The following SLC25A38 variants were observed in gnomAD, a reference collection of about 807,000 sequenced individuals.
The protein encoded by SLC25A38 is solute carrier family 25 member 38.
In SLC25A38, 27 loss-of-function variants were observed where a neutral mutation model predicts 33.4. That is an observed-to-expected ratio of 0.81 (90% confidence interval 0.60 to 1.11). The LOEUF (loss-of-function observed/expected upper bound fraction) is 1.11, where lower values mean the gene tolerates loss of function less well. SLC25A38 is among the 50% of genes most tolerant of loss of function. The pLI, the probability that SLC25A38 is intolerant of heterozygous loss-of-function variation, is 0.00. For synonymous variants in SLC25A38, 123 were observed against 145.9 expected, an observed-to-expected ratio of 0.84 and a Z score of 1.13; for missense variants, 344 against 388.8, an observed-to-expected ratio of 0.88 and a Z score of 0.97.
intron 3 of SLC25A38, among the ~76,000 whole-genome samples, 161 bp downstream of exon 3, chr3:39,390,668 C>T (rs1455192497): frequency 6.6e-6 from 1 of 152,186 alleles, no homozygotes; most frequent in Non-Finnish European, 1.5e-5. Context: ...TGTTTGAAGG[C>T]TCAGGGATAT....
At chr3:39,386,539 C>T (rs2041709770) in intron 1 of SLC25A38, among the ~76,000 whole-genome samples, 1 of 152,210 alleles carries the variant, frequency 6.6e-6, no homozygotes, top group Non-Finnish European at 1.5e-5. Flanking sequence ...TGTGCCACTA[C>T]ACTCCAGCCT....
At position 39,385,775 on chromosome 3, in the gene SLC25A38, C is replaced by T. The variant is rs569935542; in HGVS notation, c.69+1982C>T. On this transcript the variant is annotated intron_variant, in intron 1 of 6. Transcript: ENST00000650617. ...GGAGTTGTGACTATTCTGTCTTTGA[C>T]ACGCAGTCATAAGGGAGATGGGGAC... Among the ~76,000 whole-genome samples, 5 of 152,356 alleles carry T rather than the reference C, an allele frequency of 3.3e-5. No individual in the cohort carries two copies. In the East Asian group the frequency reaches 7.7e-4, roughly 23 times the overall value.
chr3:39,384,392 G>A (rs907036392), intron 1 of SLC25A38: 2 of 321,480 alleles, frequency 6.2e-6, no homozygotes, highest in African/African-American at 2.1e-5. Flanking sequence ...CTGGCGGCGT[G>A]GTTGCCCGGT....
chr3:39,388,034 T>C (rs1369885274), intron 1 of SLC25A38, among the ~76,000 whole-genome samples: 2 of 152,016 alleles, frequency 1.3e-5, no homozygotes, highest in Admixed American at 6.6e-5. Flanking sequence ...GCTGGAAAGA[T>C]GGATGCTTTG....
chr3:39,392,429 G>T (rs541898760), intron 5 of SLC25A38, among the ~76,000 whole-genome samples: 75 of 152,208 alleles, frequency 4.9e-4, no homozygotes, highest in African/African-American at 1.8e-3. Flanking sequence ...TGTGATTCTT[G>T]TTAAAGTCAG....
chr3:39,391,076 C>A (rs972025542), intron 3 of SLC25A38, among the ~76,000 whole-genome samples: 1 of 152,210 alleles, frequency 6.6e-6, no homozygotes, highest in Non-Finnish European at 1.5e-5. Context: ...GATTTCCTAA[C>A]CCACAGCACT....
Position 39,389,669 on chromosome 3 carries a change from G to T in SLC25A38, c.191+53G>T. On this transcript the variant is annotated intron_variant, in intron 2 of 6. Transcript: ENST00000650617. This position sits in a 1 kb window ranked among gnomAD's most constrained non-coding sequence, Gnocchi z 4.5. ...GATTTCAGCAACTTCTCAGACACAG[G>T]AACATCTTTACTGTGTTAAGTCAAC... The T allele has an allele frequency of 1.9e-6, 3 of 1,613,062 alleles. No individual in the cohort carries two copies. Among genetic ancestry groups the T allele is most frequent in the Non-Finnish European group, 2.5e-6 (3 of 1,179,176 alleles).
At chr3:39,393,576 T>C (rs1038038148) in intron 5 of SLC25A38, among the ~76,000 whole-genome samples, 1 of 152,196 alleles carries the variant, frequency 6.6e-6, no homozygotes, top group Admixed American at 6.5e-5. Context: ...CTTGGTTCAC[T>C]GCAATCTCCT....
intron 1 of SLC25A38, among the ~76,000 whole-genome samples, chr3:39,386,350 G>A (rs748397827): frequency 1.3e-5 from 2 of 152,202 alleles, no homozygotes; most frequent in Non-Finnish European, 2.9e-5. Flanking sequence ...GGAGGCAGAG[G>A]TGAGCAGATT....
intron 5 of SLC25A38, among the ~76,000 whole-genome samples, chr3:39,394,171 ATCAG>A (rs1187051678): frequency 6.6e-6 from 1 of 152,218 alleles, no homozygotes; most frequent in Non-Finnish European, 1.5e-5. Flanking sequence ...ATGTTTTAAA[ATCAG>A]TCAATGATTC....
In SLC25A38 at chr3:39,383,819, G is replaced by A. The variant is rs763575954; in HGVS notation, c.69+26G>A. ...GTGAGGGCACTGCGGGGAAGGAAGG[G>A]CAGGGGTCCGAACCGCGGGCTCGGG... On this transcript the variant is annotated intron_variant, in intron 1 of 6. Coordinates refer to ENST00000650617, the MANE Select transcript of SLC25A38 (RefSeq NM_017875.4). 47 of 1,613,362 alleles carry A rather than the reference G, an allele frequency of 2.9e-5. No individual in the cohort carries two copies. In the Middle Eastern group the frequency reaches 5.0e-4, roughly 17 times the overall value.
intron 1 of SLC25A38, 103 bp downstream of exon 1, chr3:39,383,896 G>C: frequency 1.5e-6 from 2 of 1,316,864 alleles, no homozygotes; most frequent in African/African-American, 1.5e-5. Context: ...CCGCGCCCCA[G>C]GGTGCGCTCA....
intron 1 of SLC25A38, among the ~76,000 whole-genome samples, chr3:39,388,767 A>G (rs548759806): frequency 6.6e-6 from 1 of 152,292 alleles, no homozygotes; most frequent in South Asian, 2.1e-4. Context: ...CTGTCCTGTA[A>G]TGATAGCACC....
chr3:39,387,377 T>G (rs1163157944), intron 1 of SLC25A38, among the ~76,000 whole-genome samples: 1 of 151,802 alleles, frequency 6.6e-6, no homozygotes, highest in Admixed American at 6.6e-5. Context: ...GAGTGGAGGG[T>G]GGGTTGGCAT....
Position 39,391,444 on chromosome 3 carries a change from A to G in SLC25A38, c.280A>G (p.Ile94Val), listed in dbSNP as rs759315257. ...LGLWKGMSPSIVRCVPGVGIY... is the reference protein window; with the variant it reads ...LGLWKGMSPSVVRCVPGVGIY... ...TTCTCCCTGACCTTCTCTGCAGTCC[A>G]TTGTGAGATGTGTCCCTGGCGTTGG... The change falls in exon 4 of 7, where the codon ATT becomes GTT. Residue 94 changes from isoleucine (I) to valine (V), a missense_variant. Around this residue, in one of 2 missense-constraint regions of SLC25A38, gnomAD observed 269 missense variants for 271.8 expected, o/e 0.99. Coordinates refer to ENST00000650617, the MANE Select transcript of SLC25A38 (RefSeq NM_017875.4). 3.1e-5 allele frequency: 50 copies of G among 1,613,348 alleles called. No homozygotes were observed. The highest frequency in any genetic ancestry group is 4.1e-5 in the Non-Finnish European group (48 of 1,180,022).
chr3:39,392,287 C>A (rs537328983), intron 5 of SLC25A38, among the ~76,000 whole-genome samples: 1 of 151,966 alleles, frequency 6.6e-6, no homozygotes, highest in Non-Finnish European at 1.5e-5. Flanking sequence ...GGAAATAAAG[C>A]ATGCTTTGCA....
rs776318540 is a variant in SLC25A38, at chr3:39,391,429, C to T, written c.277-12C>T. The T allele has an allele frequency of 1.9e-5, 30 of 1,612,838 alleles. No individual in the cohort carries two copies. The highest frequency in any genetic ancestry group is 2.4e-5 in the Non-Finnish European group (28 of 1,179,978). On this transcript the variant is annotated splice_polypyrimidine_tract_variant and intron_variant, in intron 3 of 6. Coordinates refer to ENST00000650617, the MANE Select transcript of SLC25A38 (RefSeq NM_017875.4). ...GTCTTTGATTTTCTTTTCTCCCTGA[C>T]CTTCTCTGCAGTCCATTGTGAGATG...
In SLC25A38 at chr3:39,383,563, C is replaced by G; in HGVS notation, c.-162C>G. Reference sequence around the variant, plus strand: ...CCCTGGACTAGCAGGATCCGAACCCCGGCGGCTGCGTGCTTATAGGCGCAG... The same window carrying G: ...CCCTGGACTAGCAGGATCCGAACCCGGGCGGCTGCGTGCTTATAGGCGCAG... On this transcript the variant is annotated 5_prime_UTR_variant, in exon 1 of 7. Transcript: ENST00000650617. 2.8e-6 allele frequency: 2 copies of G among 717,986 alleles called. No homozygotes were observed. Among genetic ancestry groups the G allele is most frequent in the Non-Finnish European group, 4.8e-6 (2 of 417,064 alleles). 44.5% of individuals were successfully genotyped at this position (717,986 alleles called of 1,614,324 possible).
At chr3:39,396,250 C>T (rs982195868) in intron 6 of SLC25A38, 148 bp from the exon 7 acceptor site, 13 of 1,352,990 alleles carry the variant, frequency 9.6e-6, no homozygotes, top group Non-Finnish European at 1.4e-5. Flanking sequence ...TGGTTGTCTC[C>T]TTGGACCCAT....
Sources: gnomAD v4.1 joint callset for allele counts (sites outside exome capture counted in the v4.1 genomes callset) on GRCh38, gnomAD v4.1.1 for gene constraint, gnomAD v4.1.1 regional missense constraint, Gnocchi (gnomAD v3.1) non-coding constraint, MANE v1.5 for transcripts, NCBI Gene and HGNC (gene_info 2026-07-23, HGNC 2026-07-21) for gene names.